Variants in SLC4A5 observed in about 807,000 individuals in gnomAD.
The protein encoded by SLC4A5 is solute carrier family 4 member 5, also known as electrogenic sodium bicarbonate cotransporter 4.
In SLC4A5, 96 loss-of-function variants were observed where a neutral mutation model predicts 120.4. The ratio of observed to expected loss-of-function variants is 0.80; its 90% CI spans 0.68 to 0.94. SLC4A5 has a LOEUF of 0.94. SLC4A5 is among the 40% of genes least tolerant of loss of function. SLC4A5 has a pLI of 0.00. For synonymous variants in SLC4A5, 550 were observed against 571.1 expected, an observed-to-expected ratio of 0.96 and a Z score of 0.53; for missense variants, 1,259 against 1,459.5, an observed-to-expected ratio of 0.86 and a Z score of 2.24.
At chr2:74,314,420 G>A (rs368748381) in intron 6 of SLC4A5, among the ~76,000 whole-genome samples, 2 of 152,150 alleles carry the variant, frequency 1.3e-5, no homozygotes, top group African/African-American at 2.4e-5. Context: ...GGTGGGCAGC[G>A]AGGTTGGTAT....
chr2:74,295,992 C>G (rs1326793536), intron 7 of SLC4A5, among the ~76,000 whole-genome samples: 1 of 152,152 alleles, frequency 6.6e-6, no homozygotes, highest in South Asian at 2.1e-4. Context: ...TTTAGTTAAC[C>G]ACATCGAATA....
At chr2:74,295,719 C>T (rs1268153387) in intron 7 of SLC4A5, among the ~76,000 whole-genome samples, 2 of 152,132 alleles carry the variant, frequency 1.3e-5, no homozygotes, top group African/African-American at 4.8e-5. Flanking sequence ...TGGTTCTGAA[C>T]CTTCAACAAA....
intron 3 of SLC4A5, among the ~76,000 whole-genome samples, chr2:74,335,686 T>G (rs1316549860): frequency 1.3e-5 from 2 of 152,190 alleles, no homozygotes; most frequent in Non-Finnish European, 2.9e-5. Flanking sequence ...ACACCAGCAC[T>G]GTCTGATCAA....
At chr2:74,237,211 C>T (rs1179021826) in intron 21 of SLC4A5, among the ~76,000 whole-genome samples, 3 of 152,112 alleles carry the variant, frequency 2.0e-5, no homozygotes, top group South Asian at 2.1e-4. Context: ...CTCCTGCCTT[C>T]GTGATCCGCC....
chr2:74,301,341 G>C (rs1022654229), intron 7 of SLC4A5, among the ~76,000 whole-genome samples: 2 of 152,206 alleles, frequency 1.3e-5, no homozygotes, highest in Non-Finnish European at 2.9e-5. Context: ...AACTGAAGGG[G>C]TCTCTGCTCA....
At chr2:74,246,611 T>C (rs542699784) in intron 19 of SLC4A5, among the ~76,000 whole-genome samples, 6 of 152,356 alleles carry the variant, frequency 3.9e-5, no homozygotes, top group Admixed American at 3.9e-4. Context: ...GGTCTCACCT[T>C]ACACGGTATG....
Position 74,227,804 on chromosome 2 carries a change from C to G in SLC4A5, c.2916+6G>C, listed in dbSNP as rs1235881495. The G allele has an allele frequency of 6.2e-7, 1 of 1,605,744 alleles. No individual in the cohort carries two copies. Among genetic ancestry groups the G allele is most frequent in the Admixed American group, 1.7e-5 (1 of 58,642 alleles). On this transcript the variant is annotated splice_donor_region_variant and intron_variant, in intron 26 of 30. Transcript: ENST00000394019. ...ATCATGAAGGGATCTGGAGGGAAAG[C>G]CTTACCTGGATGCCATTCAGGGAGG...
intron 7 of SLC4A5, among the ~76,000 whole-genome samples, chr2:74,299,537 C>T (rs1002814351): frequency 1.3e-5 from 2 of 152,056 alleles, no homozygotes; most frequent in African/African-American, 2.4e-5. Flanking sequence ...TATAAATTAC[C>T]CAGTCTCAGT....
intron 27 of SLC4A5, among the ~76,000 whole-genome samples, 169 bp downstream of exon 27, chr2:74,226,788 T>A (rs1216621235): frequency 6.6e-6 from 1 of 152,160 alleles, no homozygotes; most frequent in African/African-American, 2.4e-5. Context: ...CCATCTGGCC[T>A]GGACTCACAA....
At chr2:74,272,756 C>T (rs1479523001) in intron 8 of SLC4A5, among the ~76,000 whole-genome samples, 1 of 152,138 alleles carries the variant, frequency 6.6e-6, no homozygotes, top group African/African-American at 2.4e-5. Context: ...CCTAGTAACT[C>T]GGTCAGAGAT....
rs116465406 is a variant in SLC4A5, at chr2:74,293,295, G to T, written c.272-7393C>A. 2.9e-3 allele frequency among the ~76,000 whole-genome samples: 443 copies of T among 152,302 alleles called. 3 individuals carry two copies. The highest frequency in any genetic ancestry group is 0.024 in the Middle Eastern group (7 of 294). On this transcript the variant is annotated intron_variant, in intron 7 of 30. Transcript: ENST00000394019. ...GGAAGAGGAGAGAATCTGCTGACTT[G>T]CTGTGTTCACGGGAATCCTTCCTGG...
chr2:74,270,979 G>A (rs17719670), intron 8 of SLC4A5, among the ~76,000 whole-genome samples: 2,017 of 152,294 alleles, frequency 0.013, 25 homozygotes, highest in Non-Finnish European at 0.02. Flanking sequence ...CTATGCTTTA[G>A]TTTCTCTGAT....
intron 8 of SLC4A5, among the ~76,000 whole-genome samples, chr2:74,271,064 C>T (rs147787449): frequency 6.8e-4 from 104 of 152,298 alleles, no homozygotes; most frequent in Admixed American, 2.9e-3. Context: ...GCATGGGGAT[C>T]TTGTCAAAAT....
chr2:74,305,588 C>G (rs542863490), intron 6 of SLC4A5, among the ~76,000 whole-genome samples: 1 of 152,160 alleles, frequency 6.6e-6, no homozygotes, highest in East Asian at 1.9e-4. Context: ...ATAGATACTT[C>G]TATGGGTTTT....
exon 20 of SLC4A5, chr2:74,242,030 A>T (rs1435833010): frequency 6.2e-7 from 1 of 1,607,090 alleles, no homozygotes; most frequent in South Asian, 1.1e-5. Context: ...ATGGGGCTGA[A>T]GCATTGAACA....
At chr2:74,306,381 T>C (rs1331047726) in intron 6 of SLC4A5, among the ~76,000 whole-genome samples, 4 of 152,146 alleles carry the variant, frequency 2.6e-5, no homozygotes, top group African/African-American at 4.8e-5. Flanking sequence ...AACAGAAACA[T>C]TCCAAGCTTG....
At chr2:74,260,908 C>T (rs1671113838) in intron 11 of SLC4A5, among the ~76,000 whole-genome samples, 1 of 152,232 alleles carries the variant, frequency 6.6e-6, no homozygotes, top group Non-Finnish European at 1.5e-5. Flanking sequence ...TTAACTCCTG[C>T]ACTTCCTGTG....
In SLC4A5 at chr2:74,264,052, A is replaced by G. The variant is rs1671223561; in HGVS notation, c.715+95T>C. 4.8e-6 allele frequency: 7 copies of G among 1,464,172 alleles called. No individual in the cohort carries two copies. The African/African-American group carries it at 9.9e-5, about 21-fold the overall frequency. The allele number at this position is 1,464,172 out of a possible 1,614,324, so 90.7% of individuals were successfully genotyped here. ...ATCCCCAGAACATCAGAATTTCTCC[A>G]GAAACTCCCAGCCCCTAAGGTGGGC... On this transcript the variant is annotated intron_variant, in intron 10 of 30. Transcript: ENST00000394019.
chr2:74,275,223 T>C (rs749391022), intron 8 of SLC4A5, among the ~76,000 whole-genome samples: 3 of 152,160 alleles, frequency 2.0e-5, no homozygotes, highest in Non-Finnish European at 2.9e-5. Context: ...GTGAATGGAA[T>C]GGGGGTGGCC....
Sources: gnomAD v4.1 joint callset for allele counts (sites outside exome capture counted in the v4.1 genomes callset) on GRCh38, gnomAD v4.1.1 for gene constraint, MANE v1.5 for transcripts, NCBI Gene and HGNC (gene_info 2026-07-23, HGNC 2026-07-21) for gene names.